Variants in RFTN1 observed in about 807,000 individuals in gnomAD.
RFTN1 encodes raftlin.
A neutral mutation model predicts 46.5 loss-of-function variants in RFTN1; 26 were observed. The ratio of observed to expected loss-of-function variants is 0.56; its 90% confidence interval spans 0.41 to 0.78. The LOEUF (loss-of-function observed/expected upper bound fraction) is 0.78, where lower values mean the gene tolerates loss of function less well. RFTN1 is among the 30% of genes least tolerant of loss of function. The pLI is 0.00. For missense variants in RFTN1, 693 were observed against 718.7 expected (o/e 0.96, Z 0.41); for synonymous variants, 261 against 284.2 (o/e 0.92, Z 0.82).
intron 2 of RFTN1, chr3:16,472,694 C>G (rs1490297591): frequency 6.6e-6 from 1 of 152,220 alleles, no homozygotes; most frequent in African/African-American, 2.4e-5. Context: ...GTTTCCCACT[C>G]CAGGAGAACG....
Position 16,427,999 on chromosome 3 carries a change from G to C in RFTN1, c.332+5852C>G, listed in dbSNP as rs377171740. Among the ~76,000 whole-genome samples, 1 of 151,538 alleles carries C rather than the reference G, an allele frequency of 6.6e-6. No individual in the cohort carries two copies. Among genetic ancestry groups the C allele is most frequent in the African/African-American group, 2.4e-5 (1 of 41,038 alleles). On this transcript the variant is annotated intron_variant, in intron 3 of 9. Transcript: ENST00000334133. This position sits in a 1 kb window ranked among gnomAD's most constrained non-coding sequence, Gnocchi z 5.4. ...AACCAAGACCTGTAGACTTACCTGG[G>C]CAATTATATAATTTGCACATATATT...
Position 16,414,613 on chromosome 3 carries a change from AAAAAG to A in RFTN1, c.333-5135_333-5131del, listed in dbSNP as rs1373641775. On this transcript the variant is annotated intron_variant, in intron 3 of 9. Transcript: ENST00000334133. ...AGTGAGACTTCATCTCAAAAAAAAA[AAAAAG>A]AAAAGAAAAGGAAAAAAGAAACACA... Among the ~76,000 whole-genome samples the A allele has an allele frequency of 3.9e-5, 6 of 151,974 alleles. No homozygotes were observed. The East Asian group carries it at 7.7e-4, about 20-fold the overall frequency.
chr3:16,487,893 C>G (rs2076475708), intron 2 of RFTN1, among the ~76,000 whole-genome samples: 1 of 152,186 alleles, frequency 6.6e-6, no homozygotes, highest in South Asian at 2.1e-4. Flanking sequence ...AGGTTCATCC[C>G]TCGGTGACCA....
chr3:16,367,265 T>C (rs533225528), intron 6 of RFTN1, among the ~76,000 whole-genome samples: 1 of 143,620 alleles, frequency 7.0e-6, no homozygotes, highest in East Asian at 2.1e-4. Flanking sequence ...GTTCCTCTTA[T>C]GATTACGATT....
At chr3:16,435,849 G>A (rs549644914) in intron 2 of RFTN1, among the ~76,000 whole-genome samples, 1 of 150,124 alleles carries the variant, frequency 6.7e-6, no homozygotes, top group Non-Finnish European at 1.5e-5. Flanking sequence ...AACATCTCAT[G>A]TACCCTATAA....
Position 16,317,344 on chromosome 3 carries a change from C to T in RFTN1, c.1333-112G>A, listed in dbSNP as rs1044712577. The T allele has an allele frequency of 3.7e-6, 4 of 1,093,980 alleles. No homozygotes were observed. The highest frequency in any genetic ancestry group is 5.3e-6 in the Non-Finnish European group (4 of 761,270). 67.8% of individuals were successfully genotyped at this position (1,093,980 alleles called of 1,614,324 possible). On this transcript the variant is annotated intron_variant, in intron 9 of 9. Transcript: ENST00000334133. This position sits in a 1 kb window ranked among gnomAD's most constrained non-coding sequence, Gnocchi z 4.3. The stretch of plus-strand genomic sequence containing the variant: ...CCATGTCTGAGTGAGACATACAATT[C>T]CCAGCATCCCCCAGCCAGGCAGTAC...
chr3:16,390,924 T>G (rs559641216), intron 4 of RFTN1, among the ~76,000 whole-genome samples: 33 of 152,344 alleles, frequency 2.2e-4, no homozygotes, highest in African/African-American at 7.7e-4. Context: ...TTAAAGTTTT[T>G]CCATCTCTTC....
At chr3:16,497,188 T>C (rs1209894088) in intron 1 of RFTN1, among the ~76,000 whole-genome samples, 1 of 152,218 alleles carries the variant, frequency 6.6e-6, no homozygotes, top group Non-Finnish European at 1.5e-5. Context: ...CTGTATTGAT[T>C]TGTGTGCTTT....
At position 16,356,062 on chromosome 3, in the gene RFTN1, C is replaced by T. The variant is rs1451738167; in HGVS notation, c.1146+1870G>A. ...ATGCCGGCTGCTCAGTCCTTCAGATCCTCAACTCTTGGCATTTCATATTTC... is the reference window on the plus strand; with the variant it reads ...ATGCCGGCTGCTCAGTCCTTCAGATTCTCAACTCTTGGCATTTCATATTTC... On this transcript the variant is annotated intron_variant, in intron 7 of 9. Transcript: ENST00000334133. The surrounding 1 kb of genome is among the most constrained non-coding windows in gnomAD (Gnocchi z 4.9). Among the ~76,000 whole-genome samples the T allele has an allele frequency of 2.0e-5, 3 of 152,212 alleles. No individual in the cohort carries two copies. Among genetic ancestry groups the T allele is most frequent in the African/African-American group, 7.2e-5 (3 of 41,452 alleles).
intron 4 of RFTN1, among the ~76,000 whole-genome samples, chr3:16,386,836 A>G (rs1454891166): frequency 6.6e-6 from 1 of 152,192 alleles, no homozygotes; most frequent in Non-Finnish European, 1.5e-5. Context: ...CTCATGGGAA[A>G]GGTCATAAGA....
intron 5 of RFTN1, among the ~76,000 whole-genome samples, chr3:16,375,049 G>T (rs2073703110): frequency 6.6e-6 from 1 of 152,234 alleles, no homozygotes; most frequent in Non-Finnish European, 1.5e-5. Flanking sequence ...GAGGGAAGAG[G>T]AGGGAGACTC....
At chr3:16,398,652 C>A (rs1487616943) in intron 4 of RFTN1, among the ~76,000 whole-genome samples, 2 of 152,148 alleles carry the variant, frequency 1.3e-5, no homozygotes, top group Non-Finnish European at 2.9e-5. Context: ...CAGGAGCTCC[C>A]AGGTTGGCCT....
rs775225335 is a variant in RFTN1 at position 16,377,854 on chromosome 3, C to T, written c.690G>A (p.Glu230=). Residue 230 remains glutamate (E), a synonymous_variant, in exon 5 of 10, where the codon GAG becomes GAA. Coordinates refer to ENST00000334133, the MANE Select transcript of RFTN1 (RefSeq NM_015150.2). ...SPEPSSGPRG[E]VPLAKQPSSP... ...AGCTGGGCTGCTTGGCGAGGGGCAC[C>T]TCCCCTCTGGGGCCTGAGCTGGGCT... is the stretch of plus-strand genomic sequence containing the variant. 3.1e-6 allele frequency: 5 copies of T among 1,614,122 alleles called. No individual in the cohort carries two copies. The highest frequency in any genetic ancestry group is 1.6e-4 in the Middle Eastern group (1 of 6,084).
rs559252182 is a variant in RFTN1 at position 16,341,691 on chromosome 3, T to C, written c.1147-14815A>G. Among the ~76,000 whole-genome samples, 22 of 152,056 alleles carry C rather than the reference T, an allele frequency of 1.4e-4. No homozygotes were observed. Among genetic ancestry groups the C allele is most frequent in the African/African-American group, 2.7e-4 (11 of 41,410 alleles). ...GAATTACTATACAAGAGCAAGAAAATTGAAGTCAGCAAAAACCCACCAATG... is the reference window on the plus strand; with the variant it reads ...GAATTACTATACAAGAGCAAGAAAACTGAAGTCAGCAAAAACCCACCAATG... On this transcript the variant is annotated intron_variant, in intron 7 of 9. Coordinates refer to ENST00000334133, the MANE Select transcript of RFTN1 (RefSeq NM_015150.2). This position sits in a 1 kb window ranked among gnomAD's most constrained non-coding sequence, Gnocchi z 4.7.
intron 2 of RFTN1, among the ~76,000 whole-genome samples, chr3:16,453,117 T>G (rs557308947): frequency 1.3e-5 from 2 of 152,328 alleles, no homozygotes; most frequent in South Asian, 2.1e-4. Context: ...TTATCTCCAT[T>G]TTAAAGATGA....
chr3:16,377,382 C>G (rs1351296694), intron 5 of RFTN1, among the ~76,000 whole-genome samples: 1 of 152,190 alleles, frequency 6.6e-6, no homozygotes, highest in East Asian at 1.9e-4. Context: ...GCCTGGCAGG[C>G]TGACACTTCC....
In RFTN1 at chr3:16,427,525, C is replaced by T. The variant is rs1375792901; in HGVS notation, c.332+6326G>A. Reference sequence around the variant, plus strand: ...GACTCATTCAGTCATCTGTGTTGCTCGTAAGCACTTGGGAGTACAGCTTGC... The same window carrying T: ...GACTCATTCAGTCATCTGTGTTGCTTGTAAGCACTTGGGAGTACAGCTTGC... On this transcript the variant is annotated intron_variant, in intron 3 of 9. Transcript: ENST00000334133. This position sits in a 1 kb window ranked among gnomAD's most constrained non-coding sequence, Gnocchi z 5.4. Among the ~76,000 whole-genome samples the T allele has an allele frequency of 1.3e-5, 2 of 152,206 alleles. No homozygotes were observed. The highest frequency in any genetic ancestry group is 2.9e-5 in the Non-Finnish European group (2 of 68,042).
At position 16,320,551 on chromosome 3, in the gene RFTN1, A is replaced by G. The variant is rs527654991; in HGVS notation, c.1332+2825T>C. ...ATGTCTGACTCTGCCTGGGAAGGATAAAATAATGATCACAAATAACTAAAA... is the reference window on the plus strand; with the variant it reads ...ATGTCTGACTCTGCCTGGGAAGGATGAAATAATGATCACAAATAACTAAAA... On this transcript the variant is annotated intron_variant, in intron 9 of 9. Coordinates refer to ENST00000334133, the MANE Select transcript of RFTN1 (RefSeq NM_015150.2). This position sits in a 1 kb window ranked among gnomAD's most constrained non-coding sequence, Gnocchi z 4.5. 1.3e-5 allele frequency among the ~76,000 whole-genome samples: 2 copies of G among 152,254 alleles called. No homozygotes were observed. The highest frequency in any genetic ancestry group is 4.8e-5 in the African/African-American group (2 of 41,466).
chr3:16,461,998 G>A (rs1472749462), intron 2 of RFTN1, among the ~76,000 whole-genome samples: 1 of 152,166 alleles, frequency 6.6e-6, no homozygotes, highest in Non-Finnish European at 1.5e-5. Flanking sequence ...ACCATCCAGG[G>A]CCCACAGTCT....
Sources: allele counts gnomAD v4.1 joint callset (sites outside exome capture counted in the v4.1 genomes callset), GRCh38; gene constraint gnomAD v4.1.1; non-coding constraint Gnocchi (gnomAD v3.1); transcripts MANE v1.5; gene names NCBI Gene and HGNC (gene_info 2026-07-23, HGNC 2026-07-21).